The following LAMA3 variants were observed in gnomAD, a reference collection of about 807,000 sequenced individuals.
LAMA3 encodes laminin subunit alpha 3, also known as laminin subunit alpha-3.
In LAMA3, 281 loss-of-function variants were observed where a neutral mutation model predicts 402.0. The ratio of observed to expected loss-of-function variants is 0.70; its 90% confidence interval spans 0.63 to 0.77. The LOEUF (loss-of-function observed/expected upper bound fraction) is 0.77. Among genes scored for constraint, LAMA3 ranks in the 30% least tolerant of loss-of-function variants. The pLI, the probability that LAMA3 is intolerant of heterozygous loss-of-function variation, is 0.00. For missense variants in LAMA3, 3,840 were observed against 4,215.5 expected, an observed-to-expected ratio of 0.91 and a Z score of 2.47; for synonymous variants, 1,431 against 1,558.4, an observed-to-expected ratio of 0.92 and a Z score of 1.93.
intron 18 of LAMA3, 28 bp from the exon 19 acceptor site, chr18:23,819,813 G>A (rs755220747): frequency 6.2e-7 from 1 of 1,606,294 alleles, no homozygotes; most frequent in Non-Finnish European, 8.5e-7. Context: ...CTAACCTCCT[G>A]TATGTGTTTA....
chr18:23,808,988 A>C (rs2063016784), intron 12 of LAMA3, among the ~76,000 whole-genome samples: 1 of 152,224 alleles, frequency 6.6e-6, no homozygotes. Flanking sequence ...TACTGTGTAC[A>C]CTACACTGGA....
chr18:23,886,276 C>T (rs779703508), intron 41 of LAMA3, among the ~76,000 whole-genome samples: 22 of 152,162 alleles, frequency 1.4e-4, no homozygotes, highest in Non-Finnish European at 2.2e-4. Context: ...TATATTCTTA[C>T]AGCAGCAAAA....
In LAMA3 at chr18:23,890,011, G is replaced by C. The variant is rs1358674616; in HGVS notation, c.5304G>C (p.Arg1768Ser). 14 of 1,610,934 alleles carry C rather than the reference G, an allele frequency of 8.7e-6. No individual in the cohort carries two copies. The highest frequency in any genetic ancestry group is 1.2e-5 in the Non-Finnish European group (14 of 1,177,192). ...KAGYTGTQCE[R>S]CAPGYFGNPQ... ...CTCCTCCTCTCTATATTTTGTGTAG[G>C]TGTGCACCGGGATATTTCGGGAATC... Residue 1768 changes from arginine to serine, a missense_variant and splice_region_variant, in exon 42 of 75, where the codon AGG (arginine) becomes AGC (serine). Physicochemically the swap from Arg to Ser is moderately radical, Grantham distance 110. Around this residue, in one of 3 missense-constraint regions of LAMA3, gnomAD observed 2,109 missense variants for 2,376.0 expected, o/e 0.89. Transcript: ENST00000313654.
At chr18:23,795,763 T>A (rs895834116) in intron 12 of LAMA3, among the ~76,000 whole-genome samples, 1 of 152,134 alleles carries the variant, frequency 6.6e-6, no homozygotes, top group African/African-American at 2.4e-5. Context: ...TCTTGTATAT[T>A]GGCTTCGTTC....
At chr18:23,744,781 A>G (rs527863554) in intron 2 of LAMA3, among the ~76,000 whole-genome samples, 15 of 149,700 alleles carry the variant, frequency 1.0e-4, no homozygotes, top group South Asian at 6.5e-4. Flanking sequence ...GCAGTGAGCC[A>G]AGATCGCACC....
chr18:23,747,791 A>G (rs1265596397), intron 2 of LAMA3, 152 bp from the exon 3 acceptor site: 5 of 679,374 alleles, frequency 7.4e-6, no homozygotes. Flanking sequence ...GCAGCTGGGT[A>G]GAGATGTCCA....
intron 60 of LAMA3, among the ~76,000 whole-genome samples, chr18:23,917,625 G>A (rs908374729): frequency 1.3e-5 from 2 of 152,090 alleles, no homozygotes; most frequent in African/African-American, 4.8e-5. Context: ...TAGTGATATT[G>A]AGCATTTTTT....
chr18:23,772,111 G>A (rs964383358), intron 8 of LAMA3, among the ~76,000 whole-genome samples: 3 of 148,878 alleles, frequency 2.0e-5, no homozygotes, highest in Non-Finnish European at 4.4e-5. Context: ...GTGTGATTTC[G>A]GCTCACTGCA....
Position 23,839,780 on chromosome 18 carries a change from T to G in LAMA3, c.3192-5T>G. On this transcript the variant is annotated splice_region_variant and splice_polypyrimidine_tract_variant and intron_variant, in intron 26 of 74. Transcript: ENST00000313654. This position sits in a 1 kb window ranked among gnomAD's most constrained non-coding sequence, Gnocchi z 4.5. The stretch of plus-strand genomic sequence containing the variant: ...AATCAGATTTTTAAATATTCTATTT[T>G]TCAGTGCCACCTGTGTCTCCTTGGC... The G allele has an allele frequency of 1.2e-6, 2 of 1,614,164 alleles. No homozygotes were observed. Among genetic ancestry groups the G allele is most frequent in the Non-Finnish European group, 1.7e-6 (2 of 1,179,970 alleles).
At chr18:23,943,745 G>A (rs747276810) in intron 68 of LAMA3, 43 bp from the exon 69 acceptor site, 28 of 1,591,660 alleles carry the variant, frequency 1.8e-5, no homozygotes, top group South Asian at 4.4e-5. Context: ...TCGAAGGAAC[G>A]CTGAACACCT....
chr18:23,946,308 T>C, intron 70 of LAMA3, 24 bp downstream of exon 70: 1 of 1,611,676 alleles, frequency 6.2e-7, no homozygotes, highest in Non-Finnish European at 8.5e-7. Flanking sequence ...TTCAGAGCCA[T>C]GGACAGAAAC....
chr18:23,938,320 G>C (rs552944140), intron 67 of LAMA3, among the ~76,000 whole-genome samples: 1 of 152,274 alleles, frequency 6.6e-6, no homozygotes, highest in South Asian at 2.1e-4. Context: ...AGCTCTGAGC[G>C]CCTGGGAAAA....
rs529427211 is a variant in LAMA3 at position 23,924,732 on chromosome 18, G to A, written c.8177+3147G>A. On this transcript the variant is annotated intron_variant, in intron 62 of 74. Transcript: ENST00000313654. The stretch of plus-strand genomic sequence containing the variant: ...CTAATTTTGTGTTTTTAGTAGAGAC[G>A]GGGTTTTGCCATGTTGGTCTGGCTG... Among the ~76,000 whole-genome samples the A allele has an allele frequency of 1.1e-4, 16 of 151,416 alleles. 1 individual carries two copies. In the South Asian group the frequency reaches 2.5e-3, roughly 24 times the overall value.
At chr18:23,776,803 T>TAGAAGTCTTGGTA (rs2062330284) in intron 10 of LAMA3, among the ~76,000 whole-genome samples, 1 of 151,754 alleles carries the variant, frequency 6.6e-6, no homozygotes, top group African/African-American at 2.4e-5. Context: ...TTTATATCTG[T>TAGAAGTCTTGGTA]GAGTCTTGGT....
chr18:23,810,309 C>G, intron 12 of LAMA3, 57 bp from the exon 13 acceptor site: 1 of 1,601,144 alleles, frequency 6.2e-7, no homozygotes. Flanking sequence ...GGACGTGGTT[C>G]TTCCCCCTCC....
Position 23,943,806 on chromosome 18 carries a change from C to A in LAMA3, c.9045C>A (p.Asp3015Glu), listed in dbSNP as rs2082611785. 7 of 1,613,942 alleles carry A rather than the reference C, an allele frequency of 4.3e-6. No homozygotes were observed. In the South Asian group the frequency reaches 6.6e-5, roughly 15 times the overall value. The change falls in exon 69 of 75, where the codon GAC (aspartate) becomes GAA (glutamate). Residue 3015 changes from aspartate to glutamate, a missense_variant. By Grantham distance (45) the Asp-to-Glu change is conservative (BLOSUM62 2). Transcript: ENST00000313654. ...LLKPRSQFAV[D>E]MQTTSSRGLV... ...CCAACAGGTCACAGTTTGCTGTGGA[C>A]ATGCAGACAACATCCTCCAGAGGAC...
At chr18:23,900,079 G>GTA (rs1157600617) in intron 47 of LAMA3, among the ~76,000 whole-genome samples, 8 of 151,814 alleles carry the variant, frequency 5.3e-5, no homozygotes, top group Admixed American at 5.3e-4. Context: ...GCGTGTGTGT[G>GTA]TGTGTGTATG....
intron 67 of LAMA3, among the ~76,000 whole-genome samples, chr18:23,938,938 A>G (rs1050923546): frequency 9.9e-5 from 15 of 152,094 alleles, no homozygotes; most frequent in Non-Finnish European, 1.5e-4. Context: ...ATGCTCACAA[A>G]TCAAAGCCAC....
At chr18:23,827,612 C>G in intron 23 of LAMA3, 145 bp downstream of exon 23, 1 of 942,260 alleles carries the variant, frequency 1.1e-6, no homozygotes, top group South Asian at 1.6e-5. Flanking sequence ...GCTGAACTAT[C>G]TGATTTAGGG....
Sources: allele counts gnomAD v4.1 joint callset (sites outside exome capture counted in the v4.1 genomes callset), GRCh38; gene constraint gnomAD v4.1.1; regional missense constraint gnomAD v4.1.1; non-coding constraint Gnocchi (gnomAD v3.1); transcripts MANE v1.5; gene names NCBI Gene and HGNC (gene_info 2026-07-23, HGNC 2026-07-21).